HKDC1: variants seen among roughly 807,000 people sequenced by gnomAD.
The protein encoded by HKDC1 is hexokinase domain containing 1.
A neutral mutation model predicts 96.6 loss-of-function variants in HKDC1; 66 were observed. The observed-to-expected ratio is 0.68, with a 90% CI of 0.56 to 0.84. The LOEUF is 0.84. Ranked by LOEUF, HKDC1 falls within the 40% of genes least tolerant of loss-of-function variation. The pLI, the probability that HKDC1 is intolerant of heterozygous loss-of-function variation, is 0.00. For missense variants in HKDC1, 1,211 were observed against 1,208.1 expected, an observed-to-expected ratio of 1.00 and a Z score of -0.04; for synonymous variants, 466 against 473.1, an observed-to-expected ratio of 0.98 and a Z score of 0.20.
intron 8 of HKDC1, among the ~76,000 whole-genome samples, chr10:69,247,134 G>A (rs1289755956): frequency 1.3e-5 from 2 of 152,212 alleles, no homozygotes; most frequent in Non-Finnish European, 2.9e-5. Context: ...TTTTGTGGGC[G>A]TTGAAGGAGT....
chr10:69,263,799 T>TA (rs1489073372), intron 16 of HKDC1, among the ~76,000 whole-genome samples: 1 of 152,164 alleles, frequency 6.6e-6, no homozygotes, highest in East Asian at 1.9e-4. Flanking sequence ...ACACACCAGT[T>TA]AAAAAACCTC....
At chr10:69,256,127 T>C (rs1843714472) in intron 12 of HKDC1, among the ~76,000 whole-genome samples, 1 of 152,232 alleles carries the variant, frequency 6.6e-6, no homozygotes, top group African/African-American at 2.4e-5. Flanking sequence ...TATATGTGTG[T>C]ATGAGTGTAA....
chr10:69,262,045 C>CT (rs1564737917), intron 16 of HKDC1: 1 of 420,920 alleles, frequency 2.4e-6, no homozygotes, highest in Non-Finnish European at 4.8e-6. Context: ...CTGTCTGTCT[C>CT]TCTTTCTTTT....
At position 69,258,820 on chromosome 10, in the gene HKDC1, G is replaced by A. The variant is rs753235874; in HGVS notation, c.2077G>A (p.Glu693Lys). 38 of 1,613,962 alleles carry A rather than the reference G, an allele frequency of 2.4e-5. No individual in the cohort carries two copies. The highest frequency in any genetic ancestry group is 1.6e-4 in the African/African-American group (12 of 74,908). ...CTACATGGAGGACATGAGGAACATC[G>A]AGATGGTGGAGGGGGGTGAAGGGAA... ...MCYMEDMRNI[E>K]MVEGGEGKMC... The change falls in exon 15 of 18, where the codon GAG (glutamate) becomes AAG (lysine). Residue 693 changes from glutamate to lysine, a missense_variant. Coordinates refer to ENST00000354624, the MANE Select transcript of HKDC1 (RefSeq NM_025130.4).
intron 1 of HKDC1, among the ~76,000 whole-genome samples, chr10:69,224,328 G>C (rs1843115059): frequency 6.6e-6 from 1 of 152,108 alleles, no homozygotes; most frequent in African/African-American, 2.4e-5. Context: ...CTGTCACCCA[G>C]GCTGGAGTGC....
intron 1 of HKDC1, among the ~76,000 whole-genome samples, chr10:69,226,509 G>A (rs1156319586): frequency 6.6e-6 from 1 of 151,910 alleles, no homozygotes; most frequent in Non-Finnish European, 1.5e-5. Context: ...AAAAAAATTA[G>A]TCGGGCCTGG....
At chr10:69,231,448 T>C (rs12241551) in intron 2 of HKDC1, among the ~76,000 whole-genome samples, 9,547 of 152,076 alleles carry the variant, frequency 0.063, 1,006 homozygotes, top group African/African-American at 0.22. Flanking sequence ...TAGCGGATGC[T>C]TTCTCATTCC....
chr10:69,244,418 G>A (rs1368741795), intron 7 of HKDC1, among the ~76,000 whole-genome samples: 2 of 152,296 alleles, frequency 1.3e-5, no homozygotes, highest in East Asian at 3.9e-4. Flanking sequence ...ACCTACTCCA[G>A]GCACATGCCT....
intron 4 of HKDC1, among the ~76,000 whole-genome samples, chr10:69,236,832 C>A (rs770132013): frequency 6.6e-6 from 1 of 151,544 alleles, no homozygotes; most frequent in African/African-American, 2.4e-5. Context: ...TTTTTCTCAT[C>A]GCAGTCTAGT....
intron 5 of HKDC1, among the ~76,000 whole-genome samples, chr10:69,239,416 C>G (rs1843419095): frequency 6.6e-6 from 1 of 152,186 alleles, no homozygotes; most frequent in African/African-American, 2.4e-5. Flanking sequence ...CTCCGGAGGT[C>G]TTGGTTAGAT....
intron 6 of HKDC1, 43 bp downstream of exon 6, chr10:69,240,794 A>C (rs1421796646): frequency 6.9e-7 from 1 of 1,455,468 alleles, no homozygotes; most frequent in South Asian, 1.1e-5. Context: ...GGGAGAAGGG[A>C]CTGTTTGGGA....
intron 14 of HKDC1, among the ~76,000 whole-genome samples, chr10:69,257,685 T>G (rs1589416125): frequency 6.6e-6 from 1 of 150,546 alleles, no homozygotes; most frequent in African/African-American, 2.4e-5. Context: ...CCAATTGTCA[T>G]GGGGGGGGGA....
intron 16 of HKDC1, 159 bp downstream of exon 16, chr10:69,261,453 A>T: frequency 3.1e-6 from 2 of 642,590 alleles, no homozygotes; most frequent in Non-Finnish European, 5.3e-6. Context: ...CTGATTCAGG[A>T]TCGCTTTCAA....
rs1394308218 is a variant in HKDC1 at position 69,266,617 on chromosome 10, A to T, written c.2614A>T (p.Arg872Ter). 2 of 1,613,856 alleles carry T rather than the reference A, an allele frequency of 1.2e-6. No individual in the cohort carries two copies. Among genetic ancestry groups the T allele is most frequent in the Non-Finnish European group, 1.7e-6 (2 of 1,179,872 alleles). Residue 872 changes from arginine (R) to a stop codon, truncating the protein, a stop_gained, in exon 18 of 18, where the codon AGA (arginine) becomes TGA (stop). Transcript: ENST00000354624. LOFTEE classifies it high-confidence loss of function. ...TLYKLHPHFS[R>*]ILQETVKELA... ...TCTTTCTCTTTTTCATAGCTTTTCT[A>T]GAATATTGCAGGAAACTGTGAAGGA...
At chr10:69,257,917 G>A (rs900926601) in intron 14 of HKDC1, among the ~76,000 whole-genome samples, 1 of 152,192 alleles carries the variant, frequency 6.6e-6, no homozygotes, top group Non-Finnish European at 1.5e-5. Flanking sequence ...TTAAGGCCAA[G>A]GGTAGATTCT....
intron 6 of HKDC1, 97 bp from the exon 7 acceptor site, chr10:69,243,085 T>G: frequency 8.1e-7 from 1 of 1,229,534 alleles, no homozygotes; most frequent in Non-Finnish European, 1.2e-6. Context: ...AAGCACTTTG[T>G]GGTACATTGA....
At chr10:69,246,292 G>A in intron 8 of HKDC1, 58 bp downstream of exon 8, 1 of 1,584,970 alleles carries the variant, frequency 6.3e-7, no homozygotes, top group South Asian at 1.1e-5. Context: ...GCCCAGGTGT[G>A]GGGTGCTCCA....
intron 12 of HKDC1, among the ~76,000 whole-genome samples, chr10:69,255,680 G>A (rs759599343): frequency 9.9e-5 from 15 of 152,134 alleles, no homozygotes; most frequent in Non-Finnish European, 1.5e-4. Context: ...AATTTGGGAG[G>A]CCGAGGAGGG....
intron 7 of HKDC1, among the ~76,000 whole-genome samples, chr10:69,245,570 CAATAATAATAAT>C (rs10646729): frequency 3.9e-4 from 54 of 139,384 alleles, no homozygotes; most frequent in African/African-American, 1.0e-3. Flanking sequence ...ATCCTGTCTC[CAATAATAATAAT>C]AATAATAATA....
Sources: gnomAD v4.1 joint callset for allele counts (sites outside exome capture counted in the v4.1 genomes callset) on GRCh38, gnomAD v4.1.1 for gene constraint, MANE v1.5 for transcripts, NCBI Gene and HGNC (gene_info 2026-07-23, HGNC 2026-07-21) for gene names.